Variants in MAGI2 observed in about 807,000 individuals in gnomAD.
The protein encoded by MAGI2 is membrane-associated guanylate kinase, WW and PDZ domain-containing protein 2.
MAGI2 carries 35 observed loss-of-function variants against 133.3 expected under a neutral mutation model. The observed-to-expected ratio is 0.26, with a 90% CI of 0.20 to 0.35. The LOEUF (loss-of-function observed/expected upper bound fraction) is 0.35, where lower values mean the gene tolerates loss of function less well. Ranked by LOEUF, MAGI2 falls within the 10% of genes least tolerant of loss-of-function variation. The pLI is 1.00. For synonymous variants in MAGI2, 729 were observed against 710.6 expected (o/e 1.03, Z -0.41); for missense variants, 1,636 against 1,863.4 (o/e 0.88, Z 2.25).
chr7:78,164,432 C>T (rs1459014414), intron 15 of MAGI2, among the ~76,000 whole-genome samples: 1 of 152,236 alleles, frequency 6.6e-6, no homozygotes, highest in Non-Finnish European at 1.5e-5. Flanking sequence ...GAGCAGCCTA[C>T]AGGCTGTGGC....
At chr7:79,321,891 C>A (rs1276988233) in intron 1 of MAGI2, among the ~76,000 whole-genome samples, 2 of 152,166 alleles carry the variant, frequency 1.3e-5, no homozygotes, top group Non-Finnish European at 2.9e-5. Context: ...TGGAGACTGA[C>A]TTTAATCTCT....
chr7:79,435,628 T>A (rs984541405), intron 1 of MAGI2, among the ~76,000 whole-genome samples: 3 of 152,154 alleles, frequency 2.0e-5, no homozygotes, highest in African/African-American at 7.2e-5. Flanking sequence ...TATAAAAAGT[T>A]TTTTATTCCA....
At chr7:79,450,580 C>G (rs551165532) in intron 1 of MAGI2, among the ~76,000 whole-genome samples, 3 of 152,100 alleles carry the variant, frequency 2.0e-5, no homozygotes, top group Admixed American at 2.0e-4. Context: ...CAGTGAAGCA[C>G]GAAACTGAGG....
intron 1 of MAGI2, among the ~76,000 whole-genome samples, chr7:79,361,938 A>C (rs1455588167): frequency 1.3e-5 from 2 of 152,158 alleles, no homozygotes; most frequent in Admixed American, 6.6e-5. Flanking sequence ...TGATGAGAGA[A>C]GTTTATAGCA....
chr7:78,027,368 C>T (rs982387911), intron 21 of MAGI2, among the ~76,000 whole-genome samples: 34 of 152,142 alleles, frequency 2.2e-4, no homozygotes, highest in African/African-American at 8.0e-4. Flanking sequence ...TGGCTCACAC[C>T]TGTAATCCCA....
At chr7:78,787,013 G>C (rs565591026) in intron 2 of MAGI2, among the ~76,000 whole-genome samples, 3 of 151,490 alleles carry the variant, frequency 2.0e-5, no homozygotes, top group Non-Finnish European at 2.9e-5. Context: ...GTAGTGGCGC[G>C]ATCTCGGCTC....
rs530584449 is a variant in MAGI2 at position 79,058,731 on chromosome 7, T to C, written c.302-51525A>G. On this transcript the variant is annotated intron_variant, in intron 1 of 21. Transcript: ENST00000354212. ...AAAGGAAGGATATAAAAGTTATAAA[T>C]ATACACTGCTGGAAAAATGAACGCA... 1.4e-4 allele frequency among the ~76,000 whole-genome samples: 22 copies of C among 152,198 alleles called. No individual in the cohort carries two copies. In the East Asian group the frequency reaches 3.9e-3, roughly 27 times the overall value.
chr7:78,744,284 A>C (rs1037283145), intron 2 of MAGI2, among the ~76,000 whole-genome samples: 3 of 152,190 alleles, frequency 2.0e-5, no homozygotes, highest in African/African-American at 7.2e-5. Flanking sequence ...TTGAATAGCA[A>C]TATCATCCTT....
At chr7:78,648,303 G>A (rs551513325) in intron 2 of MAGI2, among the ~76,000 whole-genome samples, 5 of 152,168 alleles carry the variant, frequency 3.3e-5, no homozygotes, top group Admixed American at 2.0e-4. Flanking sequence ...AGGAAAAACC[G>A]AAAAATAAAA....
chr7:78,379,567 G>C (rs556565838), intron 6 of MAGI2, among the ~76,000 whole-genome samples: 77 of 151,966 alleles, frequency 5.1e-4, no homozygotes, highest in Non-Finnish European at 9.4e-4. Context: ...AACTACAGGA[G>C]CTGTGAGGAA....
intron 2 of MAGI2, among the ~76,000 whole-genome samples, chr7:79,002,680 T>C (rs766759969): frequency 2.1e-4 from 31 of 150,868 alleles, no homozygotes; most frequent in Admixed American, 1.8e-3. Flanking sequence ...CAGGCTTCAA[T>C]GAGAAAAAAA....
At chr7:78,807,722 A>G (rs900898778) in intron 2 of MAGI2, among the ~76,000 whole-genome samples, 32 of 152,168 alleles carry the variant, frequency 2.1e-4, no homozygotes, top group Admixed American at 2.0e-3. Flanking sequence ...ATATGCTTCT[A>G]TAGAAAATAA....
At chr7:79,136,057 GA>G (rs1821473687) in intron 1 of MAGI2, among the ~76,000 whole-genome samples, 3 of 130,730 alleles carry the variant, frequency 2.3e-5, no homozygotes, top group Admixed American at 7.9e-5. Flanking sequence ...AGGAAAGAAA[GA>G]AAGAAAGAAG....
intron 20 of MAGI2, among the ~76,000 whole-genome samples, chr7:78,087,503 T>C (rs1357329698): frequency 6.6e-6 from 1 of 151,986 alleles, no homozygotes; most frequent in Non-Finnish European, 1.5e-5. Flanking sequence ...GTAGAAGAGA[T>C]AAAAAAAGTA....
intron 1 of MAGI2, among the ~76,000 whole-genome samples, chr7:79,101,187 C>T (rs2129543208): frequency 6.6e-6 from 1 of 151,902 alleles, no homozygotes; most frequent in African/African-American, 2.4e-5. Flanking sequence ...TAACTACCAC[C>T]TAGAGATAAC....
At chr7:78,496,831 C>T (rs1373382821) in intron 5 of MAGI2, among the ~76,000 whole-genome samples, 1 of 152,134 alleles carries the variant, frequency 6.6e-6, no homozygotes, top group Non-Finnish European at 1.5e-5. Flanking sequence ...AAGTCTGAAT[C>T]TTGTCAGTTT....
At chr7:78,801,054 T>C (rs1299318957) in intron 2 of MAGI2, among the ~76,000 whole-genome samples, 2 of 152,180 alleles carry the variant, frequency 1.3e-5, no homozygotes, top group Non-Finnish European at 2.9e-5. Flanking sequence ...ATTTAAGTGA[T>C]TGACAAAGTT....
At chr7:78,069,537 GAGGA>G (rs1814242481) in intron 21 of MAGI2, among the ~76,000 whole-genome samples, 2 of 106,194 alleles carry the variant, frequency 1.9e-5, no homozygotes, top group Non-Finnish European at 3.8e-5. Flanking sequence ...AAGAAAGAGA[GAGGA>G]GAGAGAGAGA....
intron 2 of MAGI2, among the ~76,000 whole-genome samples, chr7:78,835,374 T>C (rs762640304): frequency 1.3e-5 from 2 of 152,178 alleles, no homozygotes; most frequent in African/African-American, 2.4e-5. Flanking sequence ...CAGCAACAGA[T>C]GTAGCATGTA....
Sources: allele counts gnomAD v4.1 joint callset (sites outside exome capture counted in the v4.1 genomes callset), GRCh38; gene constraint gnomAD v4.1.1; transcripts MANE v1.5; gene names NCBI Gene and HGNC (gene_info 2026-07-23, HGNC 2026-07-21).